TAFA5: variants seen among roughly 807,000 people sequenced by gnomAD.
TAFA5 encodes chemokine-like protein TAFA-5.
In TAFA5, 6 loss-of-function variants were observed where a neutral mutation model predicts 15.3. That is an observed-to-expected ratio of 0.39 (90% CI 0.21 to 0.77). The LOEUF (loss-of-function observed/expected upper bound fraction) is 0.77. Among genes scored for constraint, TAFA5 ranks in the 30% least tolerant of loss-of-function variants. TAFA5 has a pLI of 0.41. For missense variants in TAFA5, 161 were observed against 193.1 expected (o/e 0.83, Z 0.98); for synonymous variants, 103 against 80.7 (o/e 1.28, Z -1.48).
At chr22:48,514,760 A>G (rs1355060172) in intron 1 of TAFA5, among the ~76,000 whole-genome samples, 1 of 152,256 alleles carries the variant, frequency 6.6e-6, no homozygotes, top group Non-Finnish European at 1.5e-5. Flanking sequence ...GCAAAAAGGG[A>G]AAATCCACTG....
intron 2 of TAFA5, among the ~76,000 whole-genome samples, chr22:48,658,898 T>C (rs1483218981): frequency 1.2e-4 from 19 of 152,048 alleles, no homozygotes; most frequent in Non-Finnish European, 1.5e-5. Flanking sequence ...GAGGGAGCAG[T>C]GACAAGAGCC....
intron 1 of TAFA5, among the ~76,000 whole-genome samples, chr22:48,556,892 C>G (rs113165981): frequency 6.6e-6 from 1 of 152,208 alleles, no homozygotes; most frequent in Non-Finnish European, 1.5e-5. Context: ...GGCACCCTGC[C>G]GTCCACAGTG....
At chr22:48,636,555 G>A (rs112148047) in intron 1 of TAFA5, among the ~76,000 whole-genome samples, 2 of 150,856 alleles carry the variant, frequency 1.3e-5, no homozygotes, top group Middle Eastern at 3.4e-3. Context: ...GGGTCGCTCC[G>A]AGTGGAGGTG....
At chr22:48,644,257 G>A (rs1308966893) in intron 1 of TAFA5, among the ~76,000 whole-genome samples, 2 of 152,186 alleles carry the variant, frequency 1.3e-5, no homozygotes, top group Non-Finnish European at 1.5e-5. Context: ...TTTGCTCATC[G>A]TGGGAGGGGC....
At chr22:48,587,447 G>T (rs1211755631) in intron 1 of TAFA5, among the ~76,000 whole-genome samples, 1 of 152,246 alleles carries the variant, frequency 6.6e-6, no homozygotes, top group East Asian at 1.9e-4. Context: ...CCAGGTGTGG[G>T]CTGCAGGCGG....
intron 1 of TAFA5, among the ~76,000 whole-genome samples, chr22:48,514,229 A>C (rs1179729508): frequency 6.6e-6 from 1 of 152,242 alleles, no homozygotes; most frequent in East Asian, 1.9e-4. Flanking sequence ...GAAAATTTCC[A>C]TCTCAATTAA....
intron 1 of TAFA5, among the ~76,000 whole-genome samples, chr22:48,515,971 C>A (rs1238386712): frequency 6.6e-6 from 1 of 151,950 alleles, no homozygotes; most frequent in African/African-American, 2.4e-5. Flanking sequence ...GGAAAGGCAA[C>A]CCGGGCAGCC....
At chr22:48,512,511 G>A (rs1921252083) in intron 1 of TAFA5, among the ~76,000 whole-genome samples, 1 of 152,160 alleles carries the variant, frequency 6.6e-6, no homozygotes, top group Non-Finnish European at 1.5e-5. Context: ...GGGAGGCTGA[G>A]GCAAGAGAGT....
intron 1 of TAFA5, among the ~76,000 whole-genome samples, chr22:48,569,273 A>G (rs1171316654): frequency 6.6e-6 from 1 of 152,176 alleles, no homozygotes; most frequent in Admixed American, 6.5e-5. Flanking sequence ...GCTCTAGAGG[A>G]GTGTGAGGTG....
At chr22:48,736,959 T>C (rs1930047127) in intron 3 of TAFA5, among the ~76,000 whole-genome samples, 1 of 151,748 alleles carries the variant, frequency 6.6e-6, no homozygotes, top group Non-Finnish European at 1.5e-5. Context: ...TTTTATTGTA[T>C]GTGAATCATA....
intron 1 of TAFA5, among the ~76,000 whole-genome samples, chr22:48,589,031 G>A (rs1399445337): frequency 6.6e-6 from 1 of 152,210 alleles, no homozygotes; most frequent in Non-Finnish European, 1.5e-5. Flanking sequence ...ATAGAAGAAT[G>A]CAGACCTTGC....
Position 48,579,442 on chromosome 22 carries a change from G to T in TAFA5, c.113-67155G>T, listed in dbSNP as rs375859602. ...ACTGCCTGGTGTGTGCACGTGCTGT[G>T]TCTGCATGGGGTGTAGTTAAAGTGG... On this transcript the variant is annotated intron_variant, in intron 1 of 3. Transcript: ENST00000402357. 6.9e-4 allele frequency among the ~76,000 whole-genome samples: 105 copies of T among 152,258 alleles called. 1 individual carries two copies. The highest frequency in any genetic ancestry group is 2.5e-3 in the African/African-American group (104 of 41,520).
chr22:48,538,207 G>T (rs576554499), intron 1 of TAFA5, among the ~76,000 whole-genome samples: 3 of 151,976 alleles, frequency 2.0e-5, no homozygotes, highest in African/African-American at 7.3e-5. Context: ...ACTACCTGGC[G>T]CTCTACCGAA....
chr22:48,686,940 ATT>A (rs2147234666), intron 2 of TAFA5, among the ~76,000 whole-genome samples: 1 of 118,350 alleles, frequency 8.4e-6, no homozygotes, highest in East Asian at 2.6e-4. Context: ...GGATGGATGG[ATT>A]GGTGGAGGGT....
chr22:48,669,354 A>G (rs775249691), intron 2 of TAFA5, among the ~76,000 whole-genome samples: 9 of 152,244 alleles, frequency 5.9e-5, no homozygotes, highest in Non-Finnish European at 1.0e-4. Context: ...GAAACCTATC[A>G]GGCAAAAGGA....
At chr22:48,690,528 C>T (rs936168271) in intron 2 of TAFA5, among the ~76,000 whole-genome samples, 2 of 152,226 alleles carry the variant, frequency 1.3e-5, no homozygotes, top group Admixed American at 6.5e-5. Context: ...TGATGACCAG[C>T]CCATCGCCAG....
At chr22:48,738,556 C>A (rs1023220318) in intron 3 of TAFA5, among the ~76,000 whole-genome samples, 9 of 151,866 alleles carry the variant, frequency 5.9e-5, no homozygotes, top group African/African-American at 2.2e-4. Context: ...CCAGGACCCT[C>A]TACTCACCCC....
chr22:48,706,048 G>A (rs1929067930), intron 2 of TAFA5, among the ~76,000 whole-genome samples: 1 of 152,262 alleles, frequency 6.6e-6, no homozygotes, highest in Non-Finnish European at 1.5e-5. Flanking sequence ...CGGGAGGTGG[G>A]GGCTGGGGGC....
rs140624126 is a variant in TAFA5, at chr22:48,697,054, A to T, written c.263-10663A>T. Reference sequence around the variant, plus strand: ...ATGGGGAAGATGGCGTGCCAGGCACATGTTCCCTGGGCACAGGGATGGAAG... The same window carrying T: ...ATGGGGAAGATGGCGTGCCAGGCACTTGTTCCCTGGGCACAGGGATGGAAG... On this transcript the variant is annotated intron_variant, in intron 2 of 3. Transcript: ENST00000402357. 7.2e-3 allele frequency among the ~76,000 whole-genome samples: 1,091 copies of T among 152,334 alleles called. 15 individuals are homozygous for T. The highest frequency in any genetic ancestry group is 0.025 in the African/African-American group (1,044 of 41,580).
Sources: allele counts gnomAD v4.1 joint callset (sites outside exome capture counted in the v4.1 genomes callset), GRCh38; gene constraint gnomAD v4.1.1; transcripts MANE v1.5; gene names NCBI Gene and HGNC (gene_info 2026-07-23, HGNC 2026-07-21).